Variants in SSBP2 observed in about 807,000 individuals in gnomAD.
The protein encoded by SSBP2 is single stranded DNA binding protein 2.
In SSBP2, 17 loss-of-function variants were observed where a neutral mutation model predicts 61.8. The observed-to-expected ratio is 0.28, with a 90% CI of 0.19 to 0.41. The LOEUF is 0.41. Among genes scored for constraint, SSBP2 ranks in the 10% least tolerant of loss-of-function variants. The pLI, the probability that SSBP2 is intolerant of heterozygous loss-of-function variation, is 1.00. For missense variants in SSBP2, 310 were observed against 458.7 expected (o/e 0.68, Z 2.96); for synonymous variants, 139 against 141.3 (o/e 0.98, Z 0.12).
intron 1 of SSBP2, among the ~76,000 whole-genome samples, chr5:81,736,395 C>CT (rs904582250): frequency 6.6e-6 from 1 of 151,966 alleles, no homozygotes; most frequent in Non-Finnish European, 1.5e-5. Flanking sequence ...TGAATTTAAA[C>CT]TTTTTTTTAA....
chr5:81,712,007 G>A (rs1272852175), intron 1 of SSBP2, among the ~76,000 whole-genome samples: 1 of 151,648 alleles, frequency 6.6e-6, no homozygotes, highest in African/African-American at 2.4e-5. Context: ...TATTATCACT[G>A]TTGCTAGTAT....
intron 3 of SSBP2, among the ~76,000 whole-genome samples, chr5:81,622,101 T>A (rs1746633635): frequency 7.9e-6 from 1 of 127,242 alleles, no homozygotes; most frequent in Non-Finnish European, 1.6e-5. Context: ...AAACTTAGAG[T>A]ATAATAAAAA....
At chr5:81,659,985 A>T (rs1750551598) in intron 1 of SSBP2, among the ~76,000 whole-genome samples, 1 of 152,072 alleles carries the variant, frequency 6.6e-6, no homozygotes, top group South Asian at 2.1e-4. Flanking sequence ...AACTGAAACT[A>T]GACCCCTTCC....
chr5:81,523,168 G>C (rs935887277), intron 4 of SSBP2, among the ~76,000 whole-genome samples: 1 of 152,030 alleles, frequency 6.6e-6, no homozygotes, highest in Non-Finnish European at 1.5e-5. Context: ...GGTAACAAGG[G>C]AGAAGCAACC....
At position 81,673,291 on chromosome 5, in the gene SSBP2, G is replaced by GC. The variant is rs1363953133; in HGVS notation, c.63-22953dup. Among the ~76,000 whole-genome samples, 10 of 152,256 alleles carry GC rather than the reference G, an allele frequency of 6.6e-5. No homozygotes were observed. The East Asian group carries it at 1.9e-3, about 29-fold the overall frequency. Reference sequence around the variant, plus strand: ...CTTTGATTTTGGATAAGCAATCACAGCATAATCACCAAATTTGAAAATAAA... The same window carrying GC: ...CTTTGATTTTGGATAAGCAATCACAGCCATAATCACCAAATTTGAAAATAAA... On this transcript the variant is annotated intron_variant, in intron 1 of 16. Transcript: ENST00000320672.
intron 8 of SSBP2, among the ~76,000 whole-genome samples, chr5:81,472,533 T>C (rs1765316346): frequency 6.6e-6 from 1 of 152,222 alleles, no homozygotes; most frequent in Non-Finnish European, 1.5e-5. Flanking sequence ...TGACAGTCTT[T>C]AAGATTTATG....
At chr5:81,439,956 C>T (rs1289130912) in intron 14 of SSBP2, among the ~76,000 whole-genome samples, 2 of 151,962 alleles carry the variant, frequency 1.3e-5, no homozygotes, top group Non-Finnish European at 2.9e-5. Flanking sequence ...CAAATGTGAG[C>T]CATGGCGCCT....
chr5:81,440,713 A>G, intron 13 of SSBP2, 77 bp from the exon 14 acceptor site: 1 of 1,029,510 alleles, frequency 9.7e-7, no homozygotes, highest in Non-Finnish European at 1.4e-6. Flanking sequence ...TATATTTAAC[A>G]TTACAAGACA....
chr5:81,600,984 C>A (rs1264635688), intron 4 of SSBP2, among the ~76,000 whole-genome samples: 3 of 152,076 alleles, frequency 2.0e-5, no homozygotes, highest in Non-Finnish European at 4.4e-5. Flanking sequence ...CATACGAAAG[C>A]AAAAGGCGTT....
At chr5:81,425,762 C>T (rs1161717513) in intron 16 of SSBP2, among the ~76,000 whole-genome samples, 8 of 149,494 alleles carry the variant, frequency 5.4e-5, no homozygotes, top group Non-Finnish European at 8.9e-5. Context: ...TTTTTTGATT[C>T]GCATTTTGTT....
intron 5 of SSBP2, among the ~76,000 whole-genome samples, chr5:81,493,986 T>C (rs1055911802): frequency 1.1e-4 from 16 of 152,182 alleles, no homozygotes; most frequent in African/African-American, 3.9e-4. Flanking sequence ...GACTACCCGC[T>C]GATTAGGATT....
chr5:81,600,643 A>C (rs1744272765), intron 4 of SSBP2, among the ~76,000 whole-genome samples: 1 of 151,926 alleles, frequency 6.6e-6, no homozygotes, highest in African/African-American at 2.4e-5. Flanking sequence ...CGTTGTGATA[A>C]ATAATTCAGA....
chr5:81,612,363 T>C (rs939418340), intron 4 of SSBP2, among the ~76,000 whole-genome samples: 5 of 152,100 alleles, frequency 3.3e-5, no homozygotes, highest in African/African-American at 1.2e-4. Flanking sequence ...AGAAGAGTGA[T>C]TAGAACTAAC....
At chr5:81,652,572 G>GA (rs1554105773) in intron 1 of SSBP2, among the ~76,000 whole-genome samples, 1 of 152,112 alleles carries the variant, frequency 6.6e-6, no homozygotes, top group Non-Finnish European at 1.5e-5. Flanking sequence ...ATCCGGCTGA[G>GA]AAAACCTATC....
chr5:81,544,393 G>A (rs1342844047), intron 4 of SSBP2, among the ~76,000 whole-genome samples: 1 of 152,090 alleles, frequency 6.6e-6, no homozygotes, highest in Non-Finnish European at 1.5e-5. Flanking sequence ...ACTCTGGAAG[G>A]CAATCAGGCA....
chr5:81,598,885 C>T (rs369561599), intron 4 of SSBP2, among the ~76,000 whole-genome samples: 7 of 152,124 alleles, frequency 4.6e-5, no homozygotes, highest in Admixed American at 6.5e-5. Context: ...TTACCAAACC[C>T]AGATATGCTT....
In SSBP2 at chr5:81,582,279, G is replaced by A. The variant is rs367627156; in HGVS notation, c.282+33194C>T. Among the ~76,000 whole-genome samples, 12 of 152,148 alleles carry A rather than the reference G, an allele frequency of 7.9e-5. 1 individual carries two copies. In the South Asian group the frequency reaches 2.5e-3, roughly 32 times the overall value. On this transcript the variant is annotated intron_variant, in intron 4 of 16. Coordinates refer to ENST00000320672, the MANE Select transcript of SSBP2 (RefSeq NM_012446.5). The stretch of plus-strand genomic sequence containing the variant: ...AAGACTATGTTTTCTTTATTTTTAT[G>A]AAATTCATGCTTTTAAGAATTCAGG...
intron 4 of SSBP2, among the ~76,000 whole-genome samples, chr5:81,606,540 A>G (rs566396340): frequency 2.0e-5 from 3 of 152,336 alleles, no homozygotes; most frequent in South Asian, 4.1e-4. Flanking sequence ...CATTCTTACA[A>G]TGACTTGGGA....
rs762803770 is a variant in SSBP2, at chr5:81,474,575, T to C, written c.433-13A>G. 3.8e-6 allele frequency: 6 copies of C among 1,592,534 alleles called. No individual in the cohort carries two copies. The highest frequency in any genetic ancestry group is 5.1e-6 in the Non-Finnish European group (6 of 1,167,130). On this transcript the variant is annotated splice_polypyrimidine_tract_variant and intron_variant, in intron 6 of 16. Coordinates refer to ENST00000320672, the MANE Select transcript of SSBP2 (RefSeq NM_012446.5). ...CACCTCCAAGTGCCTAGCAATTTAT[T>C]AAGAAAAATAAAGAGCAATATTGTA...
Sources: allele counts gnomAD v4.1 joint callset (sites outside exome capture counted in the v4.1 genomes callset), GRCh38; gene constraint gnomAD v4.1.1; transcripts MANE v1.5; gene names NCBI Gene and HGNC (gene_info 2026-07-23, HGNC 2026-07-21).